Variants in PLAT observed in about 807,000 individuals in gnomAD.
PLAT encodes the protein plasminogen activator, tissue type.
A neutral mutation model predicts 74.9 loss-of-function variants in PLAT; 48 were observed. The ratio of observed to expected loss-of-function variants is 0.64; its 90% CI spans 0.51 to 0.82. The LOEUF is 0.82. PLAT is among the 40% of genes least tolerant of loss of function. The pLI is 0.00. For missense variants in PLAT, 673 were observed against 736.2 expected (o/e 0.91, Z 0.99); for synonymous variants, 307 against 294.4 (o/e 1.04, Z -0.44).
At chr8:42,203,416 T>A (rs1355168124) in intron 1 of PLAT, among the ~76,000 whole-genome samples, 1 of 152,238 alleles carries the variant, frequency 6.6e-6, no homozygotes, top group Non-Finnish European at 1.5e-5. Context: ...CCCAGTCATA[T>A]ACTTGTATAG....
At chr8:42,179,119 GA>G (rs1805104765) in intron 12 of PLAT, 56 bp from the exon 13 acceptor site, 1 of 1,389,974 alleles carries the variant, frequency 7.2e-7, no homozygotes, top group African/African-American at 1.4e-5. Flanking sequence ...AAACGTTTTT[GA>G]AAGAGAAAGC....
In PLAT at chr8:42,176,086, G is replaced by A; in HGVS notation, c.1596C>T (p.Ser532=). ...CCTTCTGTCCACAGCCCAGGCCCCA[G>A]CTGATGATGCCCACCAAAGTCATGC... ...DGRMTLVGII[S]WGLGCGQKDV... Residue 532 remains serine, a synonymous_variant, in exon 14 of 14, where the codon AGC becomes AGT. Coordinates refer to ENST00000220809, the MANE Select transcript of PLAT (RefSeq NM_000930.5). The A allele has an allele frequency of 6.2e-7, 1 of 1,613,958 alleles. No homozygotes were observed.
In PLAT at chr8:42,176,066, T is replaced by C. The variant is rs773710353; in HGVS notation, c.1616A>G (p.Gln539Arg). 10 of 1,614,028 alleles carry C rather than the reference T, an allele frequency of 6.2e-6. No homozygotes were observed. The highest frequency in any genetic ancestry group is 1.1e-5 in the South Asian group (1 of 91,080). Residue 539 changes from glutamine (Q) to arginine (R), a missense_variant, in exon 14 of 14, where the codon CAG becomes CGG. Gln to Arg is a conservative substitution (Grantham distance 43). Coordinates refer to ENST00000220809, the MANE Select transcript of PLAT (RefSeq NM_000930.5). ...GIISWGLGCG[Q>R]KDVPGVYTKV... is the part of the protein sequence containing the mutation. ...GGTGTACACACCCGGGACATCCTTC[T>C]GTCCACAGCCCAGGCCCCAGCTGAT... is the stretch of plus-strand genomic sequence containing the variant.
chr8:42,205,287 G>A (rs957184940), intron 1 of PLAT, among the ~76,000 whole-genome samples: 2 of 152,150 alleles, frequency 1.3e-5, no homozygotes, highest in Non-Finnish European at 2.9e-5. Context: ...AGCACTTCGG[G>A]GGGCCGAGGT....
Position 42,188,153 on chromosome 8 carries a change from A to C in PLAT, c.254-137T>G, listed in dbSNP as rs1805557002. 1.4e-5 allele frequency: 8 copies of C among 571,268 alleles called. No individual in the cohort carries two copies. The South Asian group carries it at 1.8e-4, about 13-fold the overall frequency. The allele number at this position is 571,268 out of a possible 1,614,324, so 35.4% of individuals were successfully genotyped here. On this transcript the variant is annotated intron_variant, in intron 4 of 13. Coordinates refer to ENST00000220809, the MANE Select transcript of PLAT (RefSeq NM_000930.5). ...TGGAACACGCGTATACCAGTTCTGCATCCTACAAATACTGTTTTCATCCTG... is the reference window on the plus strand; with the variant it reads ...TGGAACACGCGTATACCAGTTCTGCCTCCTACAAATACTGTTTTCATCCTG...
At chr8:42,203,683 G>A (rs1316129286) in intron 1 of PLAT, among the ~76,000 whole-genome samples, 2 of 152,092 alleles carry the variant, frequency 1.3e-5, no homozygotes, top group Non-Finnish European at 2.9e-5. Flanking sequence ...CACTAAGAGG[G>A]ACTGGGCACA....
intron 6 of PLAT, 29 bp from the exon 7 acceptor site, chr8:42,185,201 G>A (rs1359790961): frequency 6.7e-7 from 1 of 1,499,244 alleles, no homozygotes. Flanking sequence ...GAAGGGCCAG[G>A]GTAGGTCAAA....
chr8:42,189,283 C>T (rs1173585012), intron 3 of PLAT, among the ~76,000 whole-genome samples: 1 of 152,030 alleles, frequency 6.6e-6, no homozygotes, highest in Non-Finnish European at 1.5e-5. Context: ...TTTGGGTGGC[C>T]GAGGTGGGTG....
At chr8:42,188,210 G>A (rs2515659) in intron 4 of PLAT, 194 bp from the exon 5 acceptor site, 1 of 519,612 alleles carries the variant, frequency 1.9e-6, no homozygotes, top group Non-Finnish European at 3.4e-6. Context: ...TACATAAGTG[G>A]ACCCTGCAGG....
chr8:42,184,541 G>T (rs1365790194), intron 7 of PLAT, among the ~76,000 whole-genome samples: 3 of 151,604 alleles, frequency 2.0e-5, no homozygotes, highest in African/African-American at 7.3e-5. Context: ...TGTATTTTTA[G>T]TAGAGACAGG....
chr8:42,176,468 G>A (rs891288972), intron 13 of PLAT, among the ~76,000 whole-genome samples: 1 of 152,182 alleles, frequency 6.6e-6, no homozygotes, highest in Admixed American at 6.5e-5. Context: ...GCAATAGGAT[G>A]GTGGCGTCTG....
chr8:42,203,969 T>TTATATATATATA (rs373313453), intron 1 of PLAT, among the ~76,000 whole-genome samples: 56 of 104,908 alleles, frequency 5.3e-4, no homozygotes, highest in African/African-American at 7.1e-4. Flanking sequence ...TGTCTCTAAA[T>TTATATATATATA]TATATATATA....
rs763027379 is a variant in PLAT, at chr8:42,193,101, C to G, written c.72+13G>C. Reference sequence around the variant, plus strand: ...GCCTTGAGGGGCGGGACACAGGGATCCTGCACACCAACCTGGCTGGGCGAA... The same window carrying G: ...GCCTTGAGGGGCGGGACACAGGGATGCTGCACACCAACCTGGCTGGGCGAA... On this transcript the variant is annotated intron_variant, in intron 2 of 13. Transcript: ENST00000220809. 5.6e-6 allele frequency: 9 copies of G among 1,596,104 alleles called. No individual in the cohort carries two copies. Among genetic ancestry groups the G allele is most frequent in the Non-Finnish European group, 7.7e-6 (9 of 1,164,028 alleles).
intron 2 of PLAT, among the ~76,000 whole-genome samples, chr8:42,191,858 T>G (rs992662668): frequency 1.3e-5 from 2 of 151,718 alleles, no homozygotes; most frequent in Admixed American, 6.6e-5. Context: ...GTGGGAGAGG[T>G]GTGGTTAGTT....
intron 2 of PLAT, among the ~76,000 whole-genome samples, 194 bp from the exon 3 acceptor site, chr8:42,191,608 C>T (rs532155554): frequency 2.6e-4 from 39 of 152,270 alleles, no homozygotes; most frequent in African/African-American, 9.1e-4. Flanking sequence ...CTGACTGGCT[C>T]TGTCCAGAAG....
chr8:42,187,843 C>T (rs530367463), intron 5 of PLAT, 63 bp downstream of exon 5: 153 of 1,172,106 alleles, frequency 1.3e-4, no homozygotes, highest in Non-Finnish European at 1.8e-4. Flanking sequence ...CCTTTCCTTC[C>T]GGGGGCGGGG....
intron 1 of PLAT, among the ~76,000 whole-genome samples, chr8:42,201,787 T>G (rs1288253699): frequency 6.6e-6 from 1 of 152,170 alleles, no homozygotes; most frequent in Non-Finnish European, 1.5e-5. Flanking sequence ...TCAGGCCATC[T>G]CTATTGATAA....
At chr8:42,199,721 C>T (rs1050289754) in intron 1 of PLAT, among the ~76,000 whole-genome samples, 10 of 152,158 alleles carry the variant, frequency 6.6e-5, no homozygotes, top group Non-Finnish European at 1.3e-4. Context: ...CAGAAGAAAC[C>T]CTGTCCTAAT....
intron 7 of PLAT, among the ~76,000 whole-genome samples, chr8:42,183,674 T>C (rs192546374): frequency 6.6e-6 from 1 of 152,076 alleles, no homozygotes; most frequent in East Asian, 1.9e-4. Context: ...CATTTTTTTC[T>C]CCCGACCTGA....
Sources: gnomAD v4.1 joint callset for allele counts (sites outside exome capture counted in the v4.1 genomes callset) on GRCh38, gnomAD v4.1.1 for gene constraint, MANE v1.5 for transcripts, NCBI Gene and HGNC (gene_info 2026-07-23, HGNC 2026-07-21) for gene names.